The following CERS6 variants were observed in gnomAD, a reference collection of about 807,000 sequenced individuals.
CERS6 encodes ceramide synthase 6, also known as LAG1 homolog, ceramide synthase 6.
Under a neutral mutation model 56.8 loss-of-function variants are expected in CERS6, and 26 were observed. The ratio of observed to expected loss-of-function variants is 0.46; its 90% CI spans 0.34 to 0.63. The LOEUF (loss-of-function observed/expected upper bound fraction) is 0.63, where lower values mean the gene tolerates loss of function less well. Ranked by LOEUF, CERS6 falls within the 30% of genes least tolerant of loss-of-function variation. The probability of loss-of-function intolerance (pLI) is 0.01; values close to 1 mark genes in which losing one functional copy is unlikely to be tolerated. For synonymous variants in CERS6, 164 were observed against 173.3 expected (o/e 0.95, Z 0.42); for missense variants, 415 against 467.5 (o/e 0.89, Z 1.04).
At chr2:168,692,549 G>A (rs1251029597) in intron 5 of CERS6, among the ~76,000 whole-genome samples, 2 of 152,124 alleles carry the variant, frequency 1.3e-5, no homozygotes, top group East Asian at 3.9e-4. Flanking sequence ...AAGTTTGAGG[G>A]TCTGGGAGTT....
At chr2:168,569,409 G>T (rs10930332) in intron 3 of CERS6, among the ~76,000 whole-genome samples, 123,059 of 152,194 alleles carry the variant, frequency 0.81, 50,744 homozygotes, top group South Asian at 0.95. Context: ...TTACTGTGAA[G>T]TGCTGGAAGG....
At chr2:168,669,137 C>T (rs189471553) in intron 4 of CERS6, among the ~76,000 whole-genome samples, 2 of 152,102 alleles carry the variant, frequency 1.3e-5, no homozygotes, top group Admixed American at 6.5e-5. Flanking sequence ...ATGATGGTTC[C>T]ATTATGTTAT....
At chr2:168,741,212 G>T (rs185897269) in intron 8 of CERS6, among the ~76,000 whole-genome samples, 60 of 152,184 alleles carry the variant, frequency 3.9e-4, no homozygotes, top group African/African-American at 1.4e-3. Flanking sequence ...GGGAATAAAA[G>T]CAACAGTGTA....
rs1684400323 is a variant in CERS6 at position 168,619,165 on chromosome 2, G to A, written c.408-11820G>A. ...TGGGATAATTGGGAAGCCACATGTAGGAGAATGAAACTGGATCCTCATCTC... is the reference window on the plus strand; with the variant it reads ...TGGGATAATTGGGAAGCCACATGTAAGAGAATGAAACTGGATCCTCATCTC... On this transcript the variant is annotated intron_variant, in intron 3 of 9. Coordinates refer to ENST00000305747, the MANE Select transcript of CERS6 (RefSeq NM_203463.3). Among the ~76,000 whole-genome samples the A allele has an allele frequency of 3.9e-5, 6 of 152,316 alleles. No homozygotes were observed. In the South Asian group the frequency reaches 1.2e-3, roughly 32 times the overall value.
chr2:168,759,876 C>A (rs1175249739), intron 8 of CERS6, among the ~76,000 whole-genome samples: 1 of 150,868 alleles, frequency 6.6e-6, no homozygotes, highest in Non-Finnish European at 1.5e-5. Flanking sequence ...TTATTAAAGC[C>A]AAAAGCTGTA....
At chr2:168,484,835 G>T (rs1026889575) in intron 1 of CERS6, among the ~76,000 whole-genome samples, 5 of 152,136 alleles carry the variant, frequency 3.3e-5, no homozygotes, top group African/African-American at 1.2e-4. Flanking sequence ...GCTGCCCTGG[G>T]TCCAGCTTTA....
intron 1 of CERS6, among the ~76,000 whole-genome samples, chr2:168,499,147 G>A (rs1325203397): frequency 2.0e-5 from 3 of 152,116 alleles, no homozygotes; most frequent in African/African-American, 7.2e-5. Context: ...CCCTTGATGG[G>A]ACCCCTATGG....
At chr2:168,500,234 T>C (rs996704266) in intron 1 of CERS6, among the ~76,000 whole-genome samples, 3 of 152,198 alleles carry the variant, frequency 2.0e-5, no homozygotes, top group Admixed American at 2.0e-4. Context: ...ATTTGCTTGA[T>C]CTAGACTGCA....
intron 3 of CERS6, among the ~76,000 whole-genome samples, chr2:168,572,634 GAC>G (rs1696011183): frequency 1.3e-5 from 2 of 152,086 alleles, no homozygotes; most frequent in African/African-American, 4.8e-5. Flanking sequence ...ATTTGCTCAT[GAC>G]AGCCTCCTTT....
chr2:168,672,363 G>A (rs1685941955), intron 4 of CERS6, among the ~76,000 whole-genome samples: 1 of 152,182 alleles, frequency 6.6e-6, no homozygotes, highest in African/African-American at 2.4e-5. Flanking sequence ...AGTAATAAGT[G>A]AAACCCCATG....
chr2:168,537,281 C>T (rs969808450), intron 1 of CERS6, among the ~76,000 whole-genome samples: 4 of 152,168 alleles, frequency 2.6e-5, no homozygotes, highest in Non-Finnish European at 1.5e-5. Flanking sequence ...ACCATTTTCC[C>T]TCTGCAGATA....
chr2:168,570,818 T>A (rs890561617), intron 3 of CERS6, among the ~76,000 whole-genome samples: 6 of 152,194 alleles, frequency 3.9e-5, no homozygotes, highest in African/African-American at 1.4e-4. Flanking sequence ...CTACTATTTA[T>A]AAAGTCATTT....
intron 3 of CERS6, among the ~76,000 whole-genome samples, chr2:168,628,668 G>C (rs1684644563): frequency 6.6e-6 from 1 of 152,166 alleles, no homozygotes; most frequent in South Asian, 2.1e-4. Flanking sequence ...TTGTGGTAAA[G>C]GGCAAAGTTT....
At chr2:168,523,074 T>A (rs1558983029) in intron 1 of CERS6, among the ~76,000 whole-genome samples, 1 of 152,358 alleles carries the variant, frequency 6.6e-6, no homozygotes, top group East Asian at 1.9e-4. Flanking sequence ...TGAAAACTGA[T>A]GATCTTGTAT....
chr2:168,491,595 G>A (rs1227416999), intron 1 of CERS6, among the ~76,000 whole-genome samples: 2 of 151,946 alleles, frequency 1.3e-5, no homozygotes, highest in Non-Finnish European at 2.9e-5. Flanking sequence ...GTTAACTATG[G>A]AACTATGGTT....
At chr2:168,752,519 T>C (rs928852313) in intron 8 of CERS6, among the ~76,000 whole-genome samples, 1 of 152,200 alleles carries the variant, frequency 6.6e-6, no homozygotes, top group African/African-American at 2.4e-5. Context: ...TCCTGTCTAC[T>C]GCCAGGTCAC....
chr2:168,735,960 C>A (rs532129241), intron 8 of CERS6, among the ~76,000 whole-genome samples: 1 of 151,714 alleles, frequency 6.6e-6, no homozygotes, highest in East Asian at 1.9e-4. Flanking sequence ...AATCCCAGCA[C>A]TTTGGGACAC....
chr2:168,693,032 ATTTG>A (rs1267958588), intron 5 of CERS6, among the ~76,000 whole-genome samples: 1 of 152,166 alleles, frequency 6.6e-6, no homozygotes, highest in African/African-American at 2.4e-5. Flanking sequence ...TACACATATT[ATTTG>A]TTACATATTA....
chr2:168,467,045 C>T (rs531077608), intron 1 of CERS6, among the ~76,000 whole-genome samples: 1 of 151,702 alleles, frequency 6.6e-6, no homozygotes, highest in African/African-American at 2.4e-5. Flanking sequence ...CTCGATTCCT[C>T]CCCCACCTTC....
Sources: gnomAD v4.1 joint callset for allele counts (sites outside exome capture counted in the v4.1 genomes callset) on GRCh38, gnomAD v4.1.1 for gene constraint, MANE v1.5 for transcripts, NCBI Gene and HGNC (gene_info 2026-07-23, HGNC 2026-07-21) for gene names.